The following RGS9 variants were observed in gnomAD, a reference collection of about 807,000 sequenced individuals.
The protein encoded by RGS9 is regulator of G protein signaling 9.
A neutral mutation model predicts 102.0 loss-of-function variants in RGS9; 78 were observed. The observed-to-expected ratio is 0.76, with a 90% CI of 0.64 to 0.92. RGS9 has a LOEUF of 0.92. RGS9 is among the 40% of genes least tolerant of loss of function. The pLI, the probability that RGS9 is intolerant of heterozygous loss-of-function variation, is 0.00. For synonymous variants in RGS9, 353 were observed against 318.6 expected (o/e 1.11, Z -1.15); for missense variants, 833 against 866.1 (o/e 0.96, Z 0.48).
At chr17:65,150,976 G>A (rs771253596) in intron 1 of RGS9, among the ~76,000 whole-genome samples, 2 of 152,172 alleles carry the variant, frequency 1.3e-5, no homozygotes, top group Admixed American at 6.5e-5. Context: ...AGCAAACAGC[G>A]AATAACAAGA....
Position 65,173,278 on chromosome 17 carries a change from CTTAG to C in RGS9, c.583-4452_583-4449del, listed in dbSNP as rs1208526783. Among the ~76,000 whole-genome samples the C allele has an allele frequency of 2.0e-5, 3 of 152,108 alleles. No individual in the cohort carries two copies. The highest frequency in any genetic ancestry group is 3.4e-3 in the Middle Eastern group (1 of 294). ...GTTTAGAAAACGAGTTAGTGTTTTA[CTTAG>C]TATTTGTTTTCTGTTCCATGCACCA... is the stretch of plus-strand genomic sequence containing the variant. On this transcript the variant is annotated intron_variant, in intron 8 of 18. Coordinates refer to ENST00000262406, the MANE Select transcript of RGS9 (RefSeq NM_003835.4). This position sits in a 1 kb window ranked among gnomAD's most constrained non-coding sequence, Gnocchi z 4.8.
At chr17:65,185,929 G>A (rs752867056) in intron 9 of RGS9, among the ~76,000 whole-genome samples, 2 of 152,172 alleles carry the variant, frequency 1.3e-5, no homozygotes, top group Non-Finnish European at 2.9e-5. Flanking sequence ...CAGCCAGGAT[G>A]CATCTGTGTG....
At chr17:65,166,591 A>T (rs1953106657) in intron 7 of RGS9, among the ~76,000 whole-genome samples, 1 of 152,236 alleles carries the variant, frequency 6.6e-6, no homozygotes, top group Non-Finnish European at 1.5e-5. Context: ...ATCACAAACT[A>T]AAGTAATTCC....
chr17:65,166,276 C>T (rs1282457123), intron 7 of RGS9, among the ~76,000 whole-genome samples: 1 of 152,174 alleles, frequency 6.6e-6, no homozygotes, highest in Admixed American at 6.5e-5. Context: ...GGGGAGGAGA[C>T]ATAGACACAT....
intron 15 of RGS9, 39 bp downstream of exon 15, chr17:65,204,340 G>T: frequency 6.2e-7 from 1 of 1,610,818 alleles, no homozygotes; most frequent in South Asian, 1.1e-5. Flanking sequence ...GTCCAGATAG[G>T]CTTTCTGTCA....
chr17:65,180,455 T>C (rs1439145205), intron 9 of RGS9, among the ~76,000 whole-genome samples: 2 of 152,056 alleles, frequency 1.3e-5, no homozygotes, highest in African/African-American at 4.8e-5. Flanking sequence ...TTGAAGTAAC[T>C]CCTTGCCTCA....
intron 8 of RGS9, among the ~76,000 whole-genome samples, chr17:65,170,011 C>A (rs1302031253): frequency 1.3e-5 from 2 of 151,884 alleles, no homozygotes. Flanking sequence ...ACTGAGAACT[C>A]CCAGTGTGCT....
At position 65,223,539 on chromosome 17, in the gene RGS9, G is replaced by A. The variant is rs111293438; in HGVS notation, c.1408-1463G>A. On this transcript the variant is annotated intron_variant, in intron 17 of 18. Coordinates refer to ENST00000262406, the MANE Select transcript of RGS9 (RefSeq NM_003835.4). ...ACCTGCCCATGCAGGTGATCTGAAA[G>A]CCAGGCCACCCTCTGCAGGAGCCAC... Among the ~76,000 whole-genome samples, 555 of 152,338 alleles carry A rather than the reference G, an allele frequency of 3.6e-3. 4 individuals carry two copies. Among genetic ancestry groups the A allele is most frequent in the African/African-American group, 0.013 (526 of 41,582 alleles).
rs188995140 is a variant in RGS9 at position 65,211,066 on chromosome 17, T to C, written c.1407+461T>C. Among the ~76,000 whole-genome samples, 25 of 152,258 alleles carry C rather than the reference T, an allele frequency of 1.6e-4. No homozygotes were observed. The East Asian group carries it at 2.7e-3, about 16-fold the overall frequency. On this transcript the variant is annotated intron_variant, in intron 17 of 18. Coordinates refer to ENST00000262406, the MANE Select transcript of RGS9 (RefSeq NM_003835.4). ...GAGCTTTGTCTACCACTCTCTGCTT[T>C]GGAAAATTAAAAAGAAGGCCTCTCC...
intron 15 of RGS9, among the ~76,000 whole-genome samples, chr17:65,206,862 C>T (rs546563096): frequency 5.3e-5 from 8 of 152,286 alleles, no homozygotes; most frequent in South Asian, 4.1e-4. Context: ...AAACACTCAA[C>T]GTATCCCAGT....
In RGS9 at chr17:65,189,269, GTTTC is replaced by G. The variant is rs778125763; in HGVS notation, c.655-13_655-10del. The G allele has an allele frequency of 1.2e-6, 2 of 1,608,864 alleles. No individual in the cohort carries two copies. The highest frequency in any genetic ancestry group is 1.7e-6 in the Non-Finnish European group (2 of 1,175,516). ...TTCATGACATCTGCCTAACGGTTTT[GTTTC>G]TTTGTCTTACAGAAACAAACAGTCG... On this transcript the variant is annotated splice_polypyrimidine_tract_variant and intron_variant, in intron 9 of 18. Coordinates refer to ENST00000262406, the MANE Select transcript of RGS9 (RefSeq NM_003835.4).
In RGS9 at chr17:65,145,457, C is replaced by T. The variant is rs536870265; in HGVS notation, c.57+7860C>T. 7.3e-5 allele frequency among the ~76,000 whole-genome samples: 11 copies of T among 151,248 alleles called. No individual in the cohort carries two copies. The East Asian group carries it at 1.6e-3, about 21-fold the overall frequency. ...AGGCTGGCGTGCAGTGGCTTGATAT[C>T]GTCTCAGTGCAACCTCTGCCTCCCG... On this transcript the variant is annotated intron_variant, in intron 1 of 18. Coordinates refer to ENST00000262406, the MANE Select transcript of RGS9 (RefSeq NM_003835.4).
rs192102187 is a variant in RGS9, at chr17:65,146,762, C to T, written c.58-6660C>T. Among the ~76,000 whole-genome samples, 314 of 152,006 alleles carry T rather than the reference C, an allele frequency of 2.1e-3. 4 individuals carry two copies. The highest frequency in any genetic ancestry group is 7.2e-3 in the African/African-American group (299 of 41,470). On this transcript the variant is annotated intron_variant, in intron 1 of 18. Coordinates refer to ENST00000262406, the MANE Select transcript of RGS9 (RefSeq NM_003835.4). ...TACAAAAAATTAGCGTAGTGGCGCG[C>T]GCCTGTAGTCCCAGCTTCTCAGGAG...
chr17:65,221,434 AC>A (rs1913703903), intron 17 of RGS9, among the ~76,000 whole-genome samples: 1 of 152,182 alleles, frequency 6.6e-6, no homozygotes, highest in Non-Finnish European at 1.5e-5. Flanking sequence ...ATCTCTCTTG[AC>A]AAAGCCGAGT....
chr17:65,183,814 G>T (rs1444570883), intron 9 of RGS9, among the ~76,000 whole-genome samples: 3 of 152,110 alleles, frequency 2.0e-5, no homozygotes. Context: ...TTTCTCCCCT[G>T]CACTCCTGCC....
rs577500360 is a variant in RGS9 at position 65,153,500 on chromosome 17, G to A, written c.136G>A (p.Val46Ile). The A allele has an allele frequency of 3.8e-5, 62 of 1,613,996 alleles. No individual in the cohort carries two copies. The highest frequency in any genetic ancestry group is 3.6e-4 in the East Asian group (16 of 44,890). ...MQNQRVLVTS[V>I]PHAMTGSDVL... ...GAACCAGAGGGTCCTGGTCACCAGC[G>A]TTCCTCATGCCATGACAGGTGATGT... The change falls in exon 2 of 19, where the codon GTT (valine) becomes ATT (isoleucine). Residue 46 changes from valine to isoleucine, a missense_variant. Physicochemically the swap from Val to Ile is conservative, Grantham distance 29. This residue lies in a region of RGS9 where 328 missense variants were observed against 340.6 expected (regional missense o/e 0.96). Coordinates refer to ENST00000262406, the MANE Select transcript of RGS9 (RefSeq NM_003835.4).
chr17:65,215,477 TATC>T (rs1567893154), intron 17 of RGS9, among the ~76,000 whole-genome samples: 2,336 of 126,712 alleles, frequency 0.018, 80 homozygotes, highest in African/African-American at 0.078. Flanking sequence ...TTTCTTTCTC[TATC>T]TTTCTTTCGT....
In RGS9 at chr17:65,201,985, C is replaced by T. The variant is rs753508841; in HGVS notation, c.977-8C>T. ...GGCCCTCATCCACGTGGACTTCTCA[C>T]CATGCAGGAGAGAATCTGGGATTCT... On this transcript the variant is annotated splice_polypyrimidine_tract_variant and splice_region_variant and intron_variant, in intron 13 of 18. Coordinates refer to ENST00000262406, the MANE Select transcript of RGS9 (RefSeq NM_003835.4). 6.2e-7 allele frequency: 1 copy of T among 1,606,234 alleles called. No homozygotes were observed. Among genetic ancestry groups the T allele is most frequent in the Non-Finnish European group, 8.5e-7 (1 of 1,172,924 alleles).
Position 65,225,372 on chromosome 17 carries a change from C to T in RGS9, c.1778C>T (p.Ser593Leu). ...SRFLRRGCLA[S>L]PVFARLSPKC... ...TTTCTGAGACGAGGCTGTCTGGCCT[C>T]ACCTGTCTTTGCCAGGCTCTCACCC... The change falls in exon 18 of 19, where the codon TCA becomes TTA. Residue 593 changes from serine to leucine, a missense_variant. Around this residue, in one of 3 missense-constraint regions of RGS9, gnomAD observed 320 missense variants for 276.8 expected, o/e 1.16. Transcript: ENST00000262406. 6.2e-7 allele frequency: 1 copy of T among 1,612,010 alleles called. No individual in the cohort carries two copies. Among genetic ancestry groups the T allele is most frequent in the Non-Finnish European group, 8.5e-7 (1 of 1,180,030 alleles).
Sources: allele counts gnomAD v4.1 joint callset (sites outside exome capture counted in the v4.1 genomes callset), GRCh38; gene constraint gnomAD v4.1.1; regional missense constraint gnomAD v4.1.1; non-coding constraint Gnocchi (gnomAD v3.1); transcripts MANE v1.5; gene names NCBI Gene and HGNC (gene_info 2026-07-23, HGNC 2026-07-21).